Variants in DACH2 observed in about 807,000 individuals in gnomAD.
The protein encoded by DACH2 is dachshund family transcription factor 2.
DACH2 carries 17 observed loss-of-function variants against 35.8 expected under a neutral mutation model. The ratio of observed to expected loss-of-function variants is 0.48; its 90% CI spans 0.33 to 0.71. DACH2 has a LOEUF of 0.71. Among genes scored for constraint, DACH2 ranks in the 30% least tolerant of loss-of-function variants. The pLI is 0.02. For missense variants in DACH2, 469 were observed against 472.7 expected, an observed-to-expected ratio of 0.99 and a Z score of 0.07; for synonymous variants, 195 against 177.3, an observed-to-expected ratio of 1.10 and a Z score of -0.79.
At chrX:86,620,222 G>A (rs924207977) in intron 3 of DACH2, among the ~76,000 whole-genome samples, 2 of 111,491 alleles carry the variant, frequency 1.8e-5, no homozygotes, top group African/African-American at 3.3e-5. Flanking sequence ...GTCCTTTATG[G>A]CCATAACTTT....
At chrX:86,571,539 A>C (rs1476743555) in intron 3 of DACH2, among the ~76,000 whole-genome samples, 1 of 110,104 alleles carries the variant, frequency 9.1e-6, no homozygotes, top group African/African-American at 3.3e-5. Flanking sequence ...ATTCTCAGCA[A>C]ACTAACACAA....
At chrX:86,274,492 G>GTT (rs1162526523) in intron 1 of DACH2, among the ~76,000 whole-genome samples, 156 of 12,231 alleles carry the variant, frequency 0.013, 2 homozygotes, top group East Asian at 0.019. Context: ...GAGTCTTTCT[G>GTT]TTTTTTTTTT....
At chrX:86,178,212 C>G (rs1296616462) in intron 1 of DACH2, among the ~76,000 whole-genome samples, 2 of 111,423 alleles carry the variant, frequency 1.8e-5, no homozygotes, top group Non-Finnish European at 3.8e-5. Flanking sequence ...TCAGAACAAC[C>G]ATCTTTAAAG....
At chrX:86,369,254 G>C (rs989084899) in intron 1 of DACH2, among the ~76,000 whole-genome samples, 14 of 110,329 alleles carry the variant, frequency 1.3e-4, no homozygotes, top group Non-Finnish European at 1.5e-4. Flanking sequence ...AAGGAACATG[G>C]ATTTTATTTT....
At chrX:86,762,529 G>A (rs2041893827) in intron 7 of DACH2, among the ~76,000 whole-genome samples, 1 of 111,350 alleles carries the variant, frequency 9.0e-6, no homozygotes, top group Admixed American at 9.6e-5. Flanking sequence ...TAGATAATTG[G>A]GAAAATTAGG....
intron 7 of DACH2, among the ~76,000 whole-genome samples, chrX:86,807,066 T>C (rs758258448): frequency 3.6e-5 from 4 of 111,749 alleles, no homozygotes; most frequent in Non-Finnish European, 7.5e-5. Context: ...AAATTGCTCC[T>C]GGTTAAAAAC....
rs185669004 is a variant in DACH2, at chrX:86,711,370, C to T, written c.932-3178C>T. On this transcript the variant is annotated intron_variant, in intron 5 of 11. Transcript: ENST00000373125. ...CAGCCTGGATGACAGAGTGAGACTC[C>T]GTCTCATTAAAAAAATAAATAAATA... is the stretch of plus-strand genomic sequence containing the variant. Among the ~76,000 whole-genome samples the T allele has an allele frequency of 5.4e-3, 590 of 110,240 alleles. 5 individuals are homozygous for T. The highest frequency in any genetic ancestry group is 0.018 in the African/African-American group (550 of 30,339).
At chrX:86,552,330 C>T (rs949837247) in intron 3 of DACH2, among the ~76,000 whole-genome samples, 3 of 111,857 alleles carry the variant, frequency 2.7e-5, no homozygotes, top group African/African-American at 9.7e-5. Flanking sequence ...GATCTTCACC[C>T]TTTCCATGCT....
At chrX:86,275,440 T>C (rs1183086582) in intron 1 of DACH2, among the ~76,000 whole-genome samples, 1 of 111,435 alleles carries the variant, frequency 9.0e-6, no homozygotes, top group Non-Finnish European at 1.9e-5. Flanking sequence ...AGTAGGTGTA[T>C]ATATTTATGA....
At chrX:86,667,084 A>G (rs1416357654) in intron 4 of DACH2, among the ~76,000 whole-genome samples, 4 of 14,665 alleles carry the variant, frequency 2.7e-4, no homozygotes, top group African/African-American at 8.8e-4. Flanking sequence ...CATCTCTACT[A>G]AAAAAAAAAA....
chrX:86,430,726 C>T (rs1602510541), intron 2 of DACH2, among the ~76,000 whole-genome samples: 1 of 111,969 alleles, frequency 8.9e-6, no homozygotes, highest in Admixed American at 9.5e-5. Context: ...CCTTCTCTAA[C>T]AATGAAGCAT....
intron 4 of DACH2, among the ~76,000 whole-genome samples, chrX:86,680,663 T>TTTC (rs1233201983): frequency 9.5e-6 from 1 of 104,763 alleles, no homozygotes; most frequent in African/African-American, 3.5e-5. Flanking sequence ...TTTTTTTTTT[T>TTTC]TTTTTTTTGA....
chrX:86,323,408 T>TC (rs1160101454), intron 1 of DACH2, among the ~76,000 whole-genome samples: 1 of 111,387 alleles, frequency 9.0e-6, no homozygotes, highest in East Asian at 2.9e-4. Context: ...GAACATGAAA[T>TC]CCCCCTGTCT....
At chrX:86,607,687 G>A (rs2039876981) in intron 3 of DACH2, among the ~76,000 whole-genome samples, 1 of 104,458 alleles carries the variant, frequency 9.6e-6, no homozygotes, top group Non-Finnish European at 2.0e-5. Flanking sequence ...CTGGTGCGCT[G>A]CACCCACTAA....
At position 86,421,287 on chromosome X, in the gene DACH2, A is replaced by G. The variant is rs183586759; in HGVS notation, c.527+44425A>G. The stretch of plus-strand genomic sequence containing the variant: ...AGTTAACAACCATATAGTGCTTCAT[A>G]ATTTAATGAGTGGTTTAACTCATGT... On this transcript the variant is annotated intron_variant, in intron 2 of 11. Coordinates refer to ENST00000373125, the MANE Select transcript of DACH2 (RefSeq NM_053281.3). Among the ~76,000 whole-genome samples the G allele has an allele frequency of 6.0e-3, 667 of 111,816 alleles. 9 individuals are homozygous for G. The highest frequency in any genetic ancestry group is 0.02 in the African/African-American group (629 of 30,892).
chrX:86,721,306 C>T (rs2041404326), intron 6 of DACH2, among the ~76,000 whole-genome samples: 2 of 112,127 alleles, frequency 1.8e-5, no homozygotes, highest in South Asian at 7.4e-4. Flanking sequence ...TGGTCTGCTT[C>T]CTCTTGAATG....
At chrX:86,502,070 C>T (rs1172822336) in intron 2 of DACH2, among the ~76,000 whole-genome samples, 3 of 108,680 alleles carry the variant, frequency 2.8e-5, no homozygotes, top group African/African-American at 1.0e-4. Flanking sequence ...TTCCTTCCTT[C>T]CTTTGAACCA....
At chrX:86,640,524 T>A (rs1236549987) in intron 3 of DACH2, among the ~76,000 whole-genome samples, 4 of 110,649 alleles carry the variant, frequency 3.6e-5, no homozygotes, top group Admixed American at 9.6e-5. Flanking sequence ...CTGCGGTAGA[T>A]CCCCCAAGAG....
chrX:86,401,940 G>A lies in DACH2; in HGVS notation c.527+25078G>A, dbSNP rs968142228. 3.6e-5 allele frequency among the ~76,000 whole-genome samples: 4 copies of A among 111,637 alleles called. 1 individual carries two copies. The highest frequency in any genetic ancestry group is 9.5e-5 in the Admixed American group (1 of 10,525). On this transcript the variant is annotated intron_variant, in intron 2 of 11. Coordinates refer to ENST00000373125, the MANE Select transcript of DACH2 (RefSeq NM_053281.3). ...ACAGAATTAAACACAAAAACTATAT[G>A]ATCATATCAATAGATGCACAAAAAG...
Sources: allele counts gnomAD v4.1 joint callset (sites outside exome capture counted in the v4.1 genomes callset), GRCh38; gene constraint gnomAD v4.1.1; transcripts MANE v1.5; gene names NCBI Gene and HGNC (gene_info 2026-07-23, HGNC 2026-07-21).